Variants in LRP1B observed in about 807,000 individuals in gnomAD.
LRP1B encodes the protein low-density lipoprotein receptor-related protein 1B.
LRP1B carries 217 observed loss-of-function variants against 556.6 expected under a neutral mutation model. The observed-to-expected ratio is 0.39, with a 90% CI of 0.35 to 0.44. The LOEUF (loss-of-function observed/expected upper bound fraction) is 0.44, where lower values mean the gene tolerates loss of function less well. Ranked by LOEUF, LRP1B falls within the 20% of genes least tolerant of loss-of-function variation. The pLI is 1.00. For missense variants in LRP1B, 5,053 were observed against 5,620.8 expected (o/e 0.90, Z 3.23); for synonymous variants, 2,047 against 1,865.8 (o/e 1.10, Z -2.50).
At chr2:142,039,859 A>C (rs1047331451) in intron 1 of LRP1B, among the ~76,000 whole-genome samples, 5 of 151,500 alleles carry the variant, frequency 3.3e-5, no homozygotes, top group Admixed American at 2.0e-4. Flanking sequence ...TGCTTGACCA[A>C]ATTGGAGCAT....
chr2:140,874,720 G>A (rs1172987600), intron 25 of LRP1B, among the ~76,000 whole-genome samples: 1 of 151,624 alleles, frequency 6.6e-6, no homozygotes, highest in Non-Finnish European at 1.5e-5. Context: ...GGACTCCTGG[G>A]TCTAAAAAGG....
intron 2 of LRP1B, among the ~76,000 whole-genome samples, chr2:141,599,583 T>A (rs1051742392): frequency 2.6e-5 from 4 of 152,160 alleles, no homozygotes; most frequent in African/African-American, 9.7e-5. Flanking sequence ...TGAAGTTTTT[T>A]AATACTTTAT....
chr2:140,444,258 T>C, intron 65 of LRP1B, 72 bp downstream of exon 65: 3 of 1,523,544 alleles, frequency 2.0e-6, no homozygotes, highest in Non-Finnish European at 2.7e-6. Flanking sequence ...ATTTATGAAG[T>C]ATAGTACTAA....
chr2:140,548,427 T>A (rs1237928553), intron 43 of LRP1B, among the ~76,000 whole-genome samples: 1 of 152,198 alleles, frequency 6.6e-6, no homozygotes, highest in Non-Finnish European at 1.5e-5. Context: ...TTGCACCCAG[T>A]GTTCACATTG....
At chr2:140,874,946 G>A (rs1693259233) in intron 25 of LRP1B, among the ~76,000 whole-genome samples, 2 of 151,738 alleles carry the variant, frequency 1.3e-5, no homozygotes, top group South Asian at 4.2e-4. Flanking sequence ...TTGAACCCAG[G>A]AGCAGAGGTT....
chr2:140,589,337 G>GT (rs1682122914), intron 43 of LRP1B, among the ~76,000 whole-genome samples: 1 of 151,998 alleles, frequency 6.6e-6, no homozygotes, highest in Non-Finnish European at 1.5e-5. Flanking sequence ...CTCATAAACT[G>GT]TAAGTGGGAA....
At chr2:141,999,612 T>C (rs188141846) in intron 1 of LRP1B, among the ~76,000 whole-genome samples, 3 of 152,244 alleles carry the variant, frequency 2.0e-5, no homozygotes, top group East Asian at 3.9e-4. Context: ...GGTTAAGCCA[T>C]ACCTTTCTAT....
chr2:141,417,271 G>A (rs150272940), intron 3 of LRP1B, among the ~76,000 whole-genome samples: 3 of 152,240 alleles, frequency 2.0e-5, no homozygotes, highest in Non-Finnish European at 4.4e-5. Context: ...TTAACAAATT[G>A]TTAAATGTAT....
intron 1 of LRP1B, among the ~76,000 whole-genome samples, chr2:142,057,099 T>C (rs867276436): frequency 1.3e-5 from 2 of 152,162 alleles, no homozygotes; most frequent in African/African-American, 2.4e-5. Flanking sequence ...TAGGAGTATA[T>C]TTACCATAAA....
chr2:140,866,807 A>C (rs1425477660), intron 27 of LRP1B, among the ~76,000 whole-genome samples: 1 of 152,112 alleles, frequency 6.6e-6, no homozygotes, highest in Non-Finnish European at 1.5e-5. Context: ...TACAAATTTT[A>C]AAAATAAGGC....
intron 2 of LRP1B, among the ~76,000 whole-genome samples, chr2:141,653,351 C>A (rs1255892276): frequency 6.6e-6 from 1 of 152,026 alleles, no homozygotes. Context: ...GAGACTGAAC[C>A]AAACTGACAA....
At chr2:141,046,000 T>A (rs954857760) in intron 11 of LRP1B, among the ~76,000 whole-genome samples, 5 of 152,124 alleles carry the variant, frequency 3.3e-5, no homozygotes, top group Non-Finnish European at 5.9e-5. Flanking sequence ...TGATTGCTGT[T>A]TTCACCCATG....
At chr2:142,052,177 TA>T (rs151235599) in intron 1 of LRP1B, among the ~76,000 whole-genome samples, 8 of 148,936 alleles carry the variant, frequency 5.4e-5, no homozygotes, top group East Asian at 2.0e-4. Flanking sequence ...TATGGCAAGT[TA>T]AAAAAAAAAC....
At chr2:141,632,175 C>T (rs1188028607) in intron 2 of LRP1B, among the ~76,000 whole-genome samples, 2 of 152,152 alleles carry the variant, frequency 1.3e-5, no homozygotes, top group Middle Eastern at 3.4e-3. Context: ...CCACCCACCT[C>T]GGCCTCCCAA....
chr2:140,750,026 T>C (rs1688515018), intron 35 of LRP1B, among the ~76,000 whole-genome samples: 1 of 152,012 alleles, frequency 6.6e-6, no homozygotes. Context: ...ATGTTGTCCA[T>C]TGTTGACAAA....
chr2:141,912,275 A>G (rs1699924836), intron 1 of LRP1B, among the ~76,000 whole-genome samples: 2 of 152,324 alleles, frequency 1.3e-5, no homozygotes, highest in South Asian at 4.1e-4. Flanking sequence ...CTTTTTATGT[A>G]TAATTCCACT....
intron 43 of LRP1B, among the ~76,000 whole-genome samples, chr2:140,585,746 T>C (rs1345252590): frequency 6.6e-6 from 1 of 152,180 alleles, no homozygotes; most frequent in South Asian, 2.1e-4. Flanking sequence ...TCATATAAAC[T>C]TTATTATATA....
At chr2:141,475,550 G>A (rs1001291170) in intron 3 of LRP1B, among the ~76,000 whole-genome samples, 8 of 151,998 alleles carry the variant, frequency 5.3e-5, no homozygotes, top group Admixed American at 2.0e-4. Context: ...GGAAACCCAC[G>A]GCCCTAAATG....
intron 2 of LRP1B, among the ~76,000 whole-genome samples, chr2:141,587,351 G>A (rs1687178584): frequency 6.6e-6 from 1 of 152,176 alleles, no homozygotes; most frequent in Admixed American, 6.5e-5. Flanking sequence ...CTTGCTTTGG[G>A]AGCTGACCTG....
Sources: allele counts gnomAD v4.1 joint callset (sites outside exome capture counted in the v4.1 genomes callset), GRCh38; gene constraint gnomAD v4.1.1; transcripts MANE v1.5; gene names NCBI Gene and HGNC (gene_info 2026-07-23, HGNC 2026-07-21).